The following FRMD4B variants were observed in gnomAD, a reference collection of about 807,000 sequenced individuals.
FRMD4B encodes FERM domain containing 4B, also known as FERM domain-containing protein 4B.
Under a neutral mutation model 141.5 loss-of-function variants are expected in FRMD4B, and 74 were observed. That is an observed-to-expected ratio of 0.52 (90% CI 0.43 to 0.63). The LOEUF (loss-of-function observed/expected upper bound fraction) is 0.63, where lower values mean the gene tolerates loss of function less well. FRMD4B is among the 30% of genes least tolerant of loss of function. FRMD4B has a pLI of 0.00. For synonymous variants in FRMD4B, 506 were observed against 467.9 expected (o/e 1.08, Z -1.05); for missense variants, 1,366 against 1,253.4 (o/e 1.09, Z -1.36).
intron 1 of FRMD4B, among the ~76,000 whole-genome samples, chr3:69,452,312 G>A (rs1402754922): frequency 6.6e-6 from 1 of 152,248 alleles, no homozygotes; most frequent in Admixed American, 6.5e-5. Flanking sequence ...CAACTGGGCA[G>A]AGGTGAAGGA....
chr3:69,344,960 A>C (rs1029632915), intron 1 of FRMD4B, among the ~76,000 whole-genome samples: 1 of 152,064 alleles, frequency 6.6e-6, no homozygotes, highest in African/African-American at 2.4e-5. Flanking sequence ...TACTGGGTTC[A>C]TCTCACTGGG....
chr3:69,194,966 TCAGA>T, intron 16 of FRMD4B, 52 bp downstream of exon 16: 1 of 1,535,892 alleles, frequency 6.5e-7, no homozygotes, highest in Non-Finnish European at 8.9e-7. Flanking sequence ...TCCACTACAC[TCAGA>T]CAGCTTTCCT....
chr3:69,466,076 T>C (rs1705782043), intron 1 of FRMD4B, among the ~76,000 whole-genome samples: 1 of 152,090 alleles, frequency 6.6e-6, no homozygotes, highest in South Asian at 2.1e-4. Context: ...CTTTTTTTTT[T>C]CTCATTCTAA....
intron 1 of FRMD4B, among the ~76,000 whole-genome samples, chr3:69,504,449 C>T (rs1706560848): frequency 6.6e-6 from 1 of 152,134 alleles, no homozygotes; most frequent in South Asian, 2.1e-4. Flanking sequence ...CTAAAAGAAA[C>T]CTACACCGAG....
chr3:69,347,343 A>G (rs1702981880), intron 1 of FRMD4B, among the ~76,000 whole-genome samples: 1 of 152,208 alleles, frequency 6.6e-6, no homozygotes, highest in Non-Finnish European at 1.5e-5. Flanking sequence ...AAGTCCTTAG[A>G]GACCTAGAAA....
At chr3:69,287,470 G>A (rs1159763969) in intron 5 of FRMD4B, among the ~76,000 whole-genome samples, 1 of 152,180 alleles carries the variant, frequency 6.6e-6, no homozygotes, top group African/African-American at 2.4e-5. Context: ...CCATCTTTCT[G>A]TCTTTCTGGG....
intron 19 of FRMD4B, among the ~76,000 whole-genome samples, chr3:69,183,369 T>C (rs1163284984): frequency 6.6e-6 from 1 of 152,022 alleles, no homozygotes; most frequent in Non-Finnish European, 1.5e-5. Flanking sequence ...GGCAGCAGGA[T>C]GGATTTGGCC....
chr3:69,207,863 C>A (rs1442050429), intron 11 of FRMD4B, among the ~76,000 whole-genome samples: 24 of 152,030 alleles, frequency 1.6e-4, no homozygotes, highest in Non-Finnish European at 2.9e-4. Context: ...GTCTGGCAGC[C>A]ACTTCCTTTT....
exon 2 of FRMD4B, chr3:69,432,657 G>T (rs1045279956): frequency 4.6e-5 from 7 of 152,030 alleles, no homozygotes; most frequent in African/African-American, 1.7e-4. Flanking sequence ...GTATTCTCTT[G>T]CCTTTCTTTT....
At chr3:69,261,865 G>A (rs1443567836) in intron 5 of FRMD4B, among the ~76,000 whole-genome samples, 1 of 152,090 alleles carries the variant, frequency 6.6e-6, no homozygotes, top group Non-Finnish European at 1.5e-5. Context: ...TAGAGATGGG[G>A]TTTCACTATG....
chr3:69,367,244 A>G (rs2107480999), intron 1 of FRMD4B, among the ~76,000 whole-genome samples: 1 of 152,342 alleles, frequency 6.6e-6, no homozygotes, highest in South Asian at 2.1e-4. Context: ...TAAAAATATT[A>G]TAGATATTCT....
At chr3:69,229,670 T>C (rs1330770350) in intron 7 of FRMD4B, among the ~76,000 whole-genome samples, 1 of 152,198 alleles carries the variant, frequency 6.6e-6, no homozygotes, top group African/African-American at 2.4e-5. Context: ...AAAAAAGTGT[T>C]CATCTTCATA....
At chr3:69,182,528 C>A in intron 20 of FRMD4B, 70 bp downstream of exon 20, 1 of 1,449,578 alleles carries the variant, frequency 6.9e-7, no homozygotes, top group South Asian at 1.4e-5. Flanking sequence ...TTAAAAAACA[C>A]AATAAAGCAA....
At chr3:69,329,147 T>C (rs1189982509) in intron 1 of FRMD4B, among the ~76,000 whole-genome samples, 1 of 152,124 alleles carries the variant, frequency 6.6e-6, no homozygotes, top group Non-Finnish European at 1.5e-5. Context: ...TGGAGGCCGT[T>C]GAGAGACCAC....
intron 1 of FRMD4B, among the ~76,000 whole-genome samples, chr3:69,363,252 T>TG (rs1441159308): frequency 6.7e-6 from 1 of 149,458 alleles, no homozygotes; most frequent in Non-Finnish European, 1.5e-5. Context: ...TACCATGTTT[T>TG]TTTTTTTTTT....
chr3:69,535,872 G>A lies in FRMD4B; in HGVS notation c.-129+6334C>T, dbSNP rs546357165. The A allele has an allele frequency of 5.9e-4, 264 of 444,452 alleles. 3 individuals are homozygous for A. Among genetic ancestry groups the A allele is most frequent in the South Asian group, 3.3e-3 (198 of 59,554 alleles). The allele number at this position is 444,452 out of a possible 1,614,324, so 27.5% of individuals were successfully genotyped here. On this transcript the variant is annotated intron_variant, in intron 1 of 5. Coordinates refer to the FRMD4B transcript ENST00000459638. ...TGGTCTTGGCTACCACCTTCTGGTC[G>A]AGGAAGCAATGCCATTCTTGACCTT...
At chr3:69,279,051 C>G (rs1247467722) in intron 5 of FRMD4B, among the ~76,000 whole-genome samples, 1 of 152,076 alleles carries the variant, frequency 6.6e-6, no homozygotes, top group Non-Finnish European at 1.5e-5. Context: ...CACATACCAT[C>G]ACATAAAGGA....
intron 1 of FRMD4B, among the ~76,000 whole-genome samples, chr3:69,436,129 C>A (rs1705255830): frequency 6.6e-6 from 1 of 152,154 alleles, no homozygotes; most frequent in Admixed American, 6.5e-5. Flanking sequence ...GAGTTTGCTT[C>A]CTTTCTCAGC....
intron 1 of FRMD4B, among the ~76,000 whole-genome samples, chr3:69,515,637 T>C (rs888688586): frequency 6.6e-6 from 1 of 152,158 alleles, no homozygotes; most frequent in Non-Finnish European, 1.5e-5. Flanking sequence ...CCCATCATTG[T>C]GGCCAAAAAT....
Sources: gnomAD v4.1 joint callset for allele counts (sites outside exome capture counted in the v4.1 genomes callset) on GRCh38, gnomAD v4.1.1 for gene constraint, MANE v1.5 for transcripts, NCBI Gene and HGNC (gene_info 2026-07-23, HGNC 2026-07-21) for gene names.